PCDHGB5: variants seen among roughly 807,000 people sequenced by gnomAD.
The protein encoded by PCDHGB5 is protocadherin gamma-B5.
PCDHGB5 carries 48 observed loss-of-function variants against 62.9 expected under a neutral mutation model. The observed-to-expected ratio is 0.76, with a 90% CI of 0.61 to 0.97. The LOEUF (loss-of-function observed/expected upper bound fraction) is 0.97, where lower values mean the gene tolerates loss of function less well. Among genes scored for constraint, PCDHGB5 ranks in the 50% least tolerant of loss-of-function variants. PCDHGB5 has a pLI of 0.00. For synonymous variants in PCDHGB5, 474 were observed against 511.2 expected (o/e 0.93, Z 0.98); for missense variants, 1,118 against 1,198.6 (o/e 0.93, Z 0.99).
intron 1 of PCDHGB5, among the ~76,000 whole-genome samples, chr5:141,445,851 A>G (rs957077325): frequency 2.0e-5 from 3 of 152,210 alleles, no homozygotes; most frequent in African/African-American, 7.2e-5. Context: ...CACACTTAAA[A>G]TTCTGGATTT....
intron 1 of PCDHGB5, among the ~76,000 whole-genome samples, chr5:141,458,380 G>T (rs1592559992): frequency 6.6e-6 from 1 of 152,136 alleles, no homozygotes; most frequent in African/African-American, 2.4e-5. Flanking sequence ...AAGAGAGAAG[G>T]AAGACGCTCC....
chr5:141,455,737 A>T (rs1290390106), intron 1 of PCDHGB5, among the ~76,000 whole-genome samples: 1 of 152,162 alleles, frequency 6.6e-6, no homozygotes, highest in Non-Finnish European at 1.5e-5. Context: ...TTTGCATATC[A>T]AAGGTTGCTG....
Position 141,398,938 on chromosome 5 carries a change from G to A in PCDHGB5, c.811G>A (p.Glu271Lys). Residue 271 changes from glutamate to lysine, a missense_variant, in exon 1 of 4, where the codon GAG becomes AAG. Glu to Lys is a moderately conservative substitution (Grantham distance 56, BLOSUM62 1). Around this residue, in one of 2 missense-constraint regions of PCDHGB5, gnomAD observed 1,034 missense variants for 1,029.1 expected, o/e 1.00. Coordinates refer to ENST00000617380, the MANE Select transcript of PCDHGB5 (RefSeq NM_018925.3). ...GCAAGTGTCAGCCACTGACCAAGAC[G>A]AGGGCATCAACTCAGAAATTACTTA... ...VLQVSATDQD[E>K]GINSEITYSF... 1 of 1,613,958 alleles carries A rather than the reference G, an allele frequency of 6.2e-7. No individual in the cohort carries two copies. The highest frequency in any genetic ancestry group is 1.3e-5 in the African/African-American group (1 of 75,042).
chr5:141,409,805 C>T lies in PCDHGB5; in HGVS notation c.2397+9281C>T, dbSNP rs751397816. 8 of 1,611,512 alleles carry T rather than the reference C, an allele frequency of 5.0e-6. No individual in the cohort carries two copies. The African/African-American group carries it at 5.3e-5, about 11-fold the overall frequency. ...CGCCTTCGCGCTCACGCTGCAGGCC[C>T]GCGACCACGGCTCGCCCACGCTCAG... is the stretch of plus-strand genomic sequence containing the variant. On this transcript the variant is annotated intron_variant, in intron 1 of 3. Coordinates refer to ENST00000617380, the MANE Select transcript of PCDHGB5 (RefSeq NM_018925.3).
chr5:141,427,793 G>C, intron 1 of PCDHGB5: 1 of 1,495,528 alleles, frequency 6.7e-7, no homozygotes, highest in Non-Finnish European at 9.2e-7. Flanking sequence ...CGTCCTACGT[G>C]TCCGTGAGCG....
chr5:141,413,833 G>A (rs917295013), intron 1 of PCDHGB5: 1 of 1,613,276 alleles, frequency 6.2e-7, no homozygotes, highest in Non-Finnish European at 8.5e-7. Context: ...CACCGCCTCC[G>A]ACGGGGGTGA....
intron 2 of PCDHGB5, among the ~76,000 whole-genome samples, chr5:141,502,238 T>A (rs2099813398): frequency 6.6e-6 from 1 of 152,204 alleles, no homozygotes; most frequent in Non-Finnish European, 1.5e-5. Flanking sequence ...TGTGTTCTTT[T>A]ATCCTTTTTT....
Position 141,489,968 on chromosome 5 carries a change from A to G in PCDHGB5, c.2398-4839A>G. 6.2e-7 allele frequency: 1 copy of G among 1,614,146 alleles called. No homozygotes were observed. The highest frequency in any genetic ancestry group is 2.2e-5 in the East Asian group (1 of 44,880). On this transcript the variant is annotated intron_variant, in intron 1 of 3. Coordinates refer to ENST00000617380, the MANE Select transcript of PCDHGB5 (RefSeq NM_018925.3). This position sits in a 1 kb window ranked among gnomAD's most constrained non-coding sequence, Gnocchi z 4.5. Reference sequence around the variant, plus strand: ...ATCAATGATAATGCTCCAACCTTCCAATCCTCAGTTCTACGTGTGGGAATC... The same window carrying G: ...ATCAATGATAATGCTCCAACCTTCCGATCCTCAGTTCTACGTGTGGGAATC...
intron 1 of PCDHGB5, among the ~76,000 whole-genome samples, chr5:141,444,152 ATTTTTTTTTTTTTTT>A (rs747671382): frequency 3.8e-4 from 13 of 33,894 alleles, no homozygotes; most frequent in East Asian, 1.0e-3. Context: ...TGTGTACTGG[ATTTTTTTTTTTTTTT>A]TTTTTTTTTT....
At chr5:141,408,971 C>G (rs763728764) in intron 1 of PCDHGB5, 4 of 1,613,698 alleles carry the variant, frequency 2.5e-6, no homozygotes, top group Non-Finnish European at 3.4e-6. Flanking sequence ...AAATCTGCCC[C>G]CTGGGTCCCC....
chr5:141,504,824 C>T (rs537283013), intron 2 of PCDHGB5, among the ~76,000 whole-genome samples: 4 of 152,230 alleles, frequency 2.6e-5, no homozygotes, highest in South Asian at 4.1e-4. Context: ...TAGGTCCCCA[C>T]TTTTTCTCTA....
intron 1 of PCDHGB5, among the ~76,000 whole-genome samples, chr5:141,433,408 A>ATCTATCTATCTATCT (rs1413347413): frequency 7.9e-6 from 1 of 127,280 alleles, no homozygotes; most frequent in African/African-American, 2.9e-5. Flanking sequence ...TCTATCTATT[A>ATCTATCTATCTATCT]CTTTCTTGTA....
At chr5:141,462,833 A>G (rs1488609568) in intron 1 of PCDHGB5, among the ~76,000 whole-genome samples, 1 of 152,082 alleles carries the variant, frequency 6.6e-6, no homozygotes, top group Non-Finnish European at 1.5e-5. Flanking sequence ...GACATTGTAA[A>G]TGTTATATTT....
chr5:141,421,530 C>T (rs377652360), intron 1 of PCDHGB5: 274 of 1,613,922 alleles, frequency 1.7e-4, no homozygotes, highest in Non-Finnish European at 2.3e-4. Flanking sequence ...AGACGGTGTC[C>T]TCCTGTTTTT....
chr5:141,442,798 A>G (rs1055527090), intron 1 of PCDHGB5, among the ~76,000 whole-genome samples: 1 of 152,256 alleles, frequency 6.6e-6, no homozygotes, highest in East Asian at 1.9e-4. Flanking sequence ...TTTTACTTTG[A>G]TATTCAAATT....
chr5:141,474,685 T>G (rs1562045980), intron 1 of PCDHGB5, among the ~76,000 whole-genome samples: 1 of 152,224 alleles, frequency 6.6e-6, no homozygotes, highest in Non-Finnish European at 1.5e-5. Flanking sequence ...GCCTACCCCT[T>G]CACTTATGTT....
chr5:141,420,934 C>A (rs2096533899), intron 1 of PCDHGB5: 2 of 377,936 alleles, frequency 5.3e-6, no homozygotes, highest in South Asian at 5.3e-5. Flanking sequence ...TGAGCGTAAT[C>A]ATTTCTTCTG....
intron 1 of PCDHGB5, among the ~76,000 whole-genome samples, chr5:141,400,831 C>CT (rs1457237248): frequency 1.3e-5 from 2 of 152,146 alleles, no homozygotes; most frequent in Admixed American, 6.5e-5. Flanking sequence ...TTGTCTCATT[C>CT]TTTAACATGT....
In PCDHGB5 at chr5:141,400,071, G is replaced by A. The variant is rs2093956056; in HGVS notation, c.1944G>A (p.Pro648=). 6.2e-7 allele frequency: 1 copy of A among 1,613,824 alleles called. No homozygotes were observed. The highest frequency in any genetic ancestry group is 1.3e-5 in the African/African-American group (1 of 74,934). Residue 648 remains proline (P), a synonymous_variant, in exon 1 of 4, where the codon CCG becomes CCA. Coordinates refer to ENST00000617380, the MANE Select transcript of PCDHGB5 (RefSeq NM_018925.3). ...TTGCTGTGCGTGATGGTGGACAGCC[G>A]CCACTCTCCGCCACCGCCACGCTGC... ...LLVAVRDGGQ[P]PLSATATLHL...
Sources: allele counts gnomAD v4.1 joint callset (sites outside exome capture counted in the v4.1 genomes callset), GRCh38; gene constraint gnomAD v4.1.1; regional missense constraint gnomAD v4.1.1; non-coding constraint Gnocchi (gnomAD v3.1); transcripts MANE v1.5; gene names NCBI Gene and HGNC (gene_info 2026-07-23, HGNC 2026-07-21).